The following CAPN9 variants were observed in gnomAD, a reference collection of about 807,000 sequenced individuals.
CAPN9 encodes calpain-9.
In CAPN9, 81 loss-of-function variants were observed where a neutral mutation model predicts 92.8. The observed-to-expected ratio is 0.87, with a 90% confidence interval of 0.73 to 1.05. The LOEUF is 1.05. Ranked by LOEUF, CAPN9 falls within the 50% of genes least tolerant of loss-of-function variation. The pLI is 0.00. For synonymous variants in CAPN9, 304 were observed against 328.0 expected, an observed-to-expected ratio of 0.93 and a Z score of 0.79; for missense variants, 848 against 866.2, an observed-to-expected ratio of 0.98 and a Z score of 0.26.
intron 7 of CAPN9, 87 bp from the exon 8 acceptor site, chr1:230,774,467 A>G (rs1666604055): frequency 3.3e-6 from 3 of 900,268 alleles, no homozygotes; most frequent in Non-Finnish European, 5.6e-6. Flanking sequence ...TATTTCCTCC[A>G]TAACCGCACA....
At chr1:230,798,604 G>A (rs1033588768) in intron 19 of CAPN9, among the ~76,000 whole-genome samples, 1 of 152,088 alleles carries the variant, frequency 6.6e-6, no homozygotes, top group African/African-American at 2.4e-5. Context: ...ATGTTGTCCC[G>A]TGGTTCCCAT....
At position 230,767,573 on chromosome 1, in the gene CAPN9, G is replaced by A. The variant is rs1183766776; in HGVS notation, c.569G>A (p.Gly190Asp). 6.2e-7 allele frequency: 1 copy of A among 1,613,270 alleles called. No homozygotes were observed. Among genetic ancestry groups the A allele is most frequent in the African/African-American group, 1.3e-5 (1 of 74,856 alleles). ...GGGAGCTATGAAGCTCTGAAGGGAG[G>A]CAGCGCCATCGAGGCCATGGAAGAC... The part of the protein sequence containing the change: ...LNGSYEALKG[G>D]SAIEAMEDFT... Residue 190 changes from glycine to aspartate, a missense_variant, in exon 5 of 20, where the codon GGC becomes GAC. Gly to Asp is a moderately conservative substitution (Grantham distance 94). Transcript: ENST00000271971.
At chr1:230,767,743 A>C (rs1336676739) in intron 5 of CAPN9, 34 bp downstream of exon 5, 3 of 1,599,846 alleles carry the variant, frequency 1.9e-6, no homozygotes, top group Admixed American at 3.4e-5. Context: ...TCCAGGCACT[A>C]TGCTGGGGCT....
intron 1 of CAPN9, among the ~76,000 whole-genome samples, chr1:230,752,279 A>G (rs2102829026): frequency 6.6e-6 from 1 of 152,164 alleles, no homozygotes; most frequent in Non-Finnish European, 1.5e-5. Context: ...CCTTCCACAC[A>G]TGCGTCCGCA....
intron 19 of CAPN9, among the ~76,000 whole-genome samples, chr1:230,799,109 G>T (rs2102945126): frequency 6.6e-6 from 1 of 152,254 alleles, no homozygotes; most frequent in Admixed American, 6.5e-5. Flanking sequence ...CTCCTCCCCA[G>T]TCTCTGGAGT....
intron 3 of CAPN9, among the ~76,000 whole-genome samples, chr1:230,761,019 C>A (rs1387201817): frequency 6.6e-6 from 1 of 152,082 alleles, no homozygotes; most frequent in Non-Finnish European, 1.5e-5. Flanking sequence ...CCCGAGGACA[C>A]TGAGTCCCAG....
At chr1:230,769,028 G>A in intron 5 of CAPN9, 152 bp from the exon 6 acceptor site, 9 of 632,506 alleles carry the variant, frequency 1.4e-5, no homozygotes, top group Non-Finnish European at 1.7e-5. Context: ...CATCCTAGGG[G>A]AGCCCCGTGC....
chr1:230,783,020 AAAAT>A (rs1298609856), intron 11 of CAPN9, among the ~76,000 whole-genome samples: 1 of 152,156 alleles, frequency 6.6e-6, no homozygotes, highest in Non-Finnish European at 1.5e-5. Flanking sequence ...CCGTCTAAAA[AAAAT>A]GGTGGTTTTT....
chr1:230,768,953 A>G (rs527342765), intron 5 of CAPN9, among the ~76,000 whole-genome samples: 2 of 152,244 alleles, frequency 1.3e-5, no homozygotes, highest in Non-Finnish European at 2.9e-5. Flanking sequence ...TTTGGAGTCC[A>G]CACTGGAAGC....
intron 16 of CAPN9, 85 bp downstream of exon 16, chr1:230,792,579 AGG>A: frequency 9.5e-7 from 1 of 1,056,146 alleles, no homozygotes. Context: ...AGCAGGCTGC[AGG>A]CTATAGGCTA....
Position 230,767,615 on chromosome 1 carries a change from C to T in CAPN9, c.611C>T (p.Ala204Val). ...ATGGAAGACTTCACTGGGGGTGTGGCAGAGACCTTCCAAACTAAAGAGGCC... is the reference window on the plus strand; with the variant it reads ...ATGGAAGACTTCACTGGGGGTGTGGTAGAGACCTTCCAAACTAAAGAGGCC... ...EAMEDFTGGV[A>V]ETFQTKEAPE... is the part of the protein sequence containing the mutation. The change falls in exon 5 of 20, where the codon GCA becomes GTA. Residue 204 changes from alanine to valine, a missense_variant. Ala to Val is a moderately conservative substitution (Grantham distance 64, BLOSUM62 0). Coordinates refer to ENST00000271971, the MANE Select transcript of CAPN9 (RefSeq NM_006615.3). 1.2e-6 allele frequency: 2 copies of T among 1,613,872 alleles called. No individual in the cohort carries two copies. The highest frequency in any genetic ancestry group is 1.7e-6 in the Non-Finnish European group (2 of 1,179,874).
chr1:230,757,336 C>T (rs571946907), intron 2 of CAPN9, among the ~76,000 whole-genome samples: 1 of 152,310 alleles, frequency 6.6e-6, no homozygotes, highest in South Asian at 2.1e-4. Flanking sequence ...TTCCCCTCGA[C>T]CCCGTAGTCC....
intron 9 of CAPN9, 101 bp from the exon 10 acceptor site, chr1:230,780,076 ATG>A: frequency 1.3e-6 from 1 of 758,326 alleles, no homozygotes; most frequent in Non-Finnish European, 2.1e-6. Context: ...AGATAGGTGT[ATG>A]TGCGTGTGTG....
intron 1 of CAPN9, among the ~76,000 whole-genome samples, chr1:230,749,648 T>A (rs906289732): frequency 6.6e-6 from 1 of 152,190 alleles, no homozygotes; most frequent in African/African-American, 2.4e-5. Context: ...ATACAGATGC[T>A]CATGTTCTCT....
chr1:230,800,254 GAA>G (rs1164265571), intron 19 of CAPN9, among the ~76,000 whole-genome samples: 2 of 113,874 alleles, frequency 1.8e-5, no homozygotes, highest in East Asian at 4.4e-4. Context: ...AAGAAAGAAA[GAA>G]AGAAAGAAAG....
chr1:230,792,363 A>G (rs914679279), intron 15 of CAPN9, 63 bp from the exon 16 acceptor site: 2 of 1,403,102 alleles, frequency 1.4e-6, no homozygotes, highest in East Asian at 4.6e-5. Flanking sequence ...CCCAGAGCTG[A>G]GGTCCCACGA....
chr1:230,752,757 GC>G, intron 1 of CAPN9: 1 of 955,058 alleles, frequency 1.0e-6, no homozygotes, highest in Non-Finnish European at 1.2e-6. Context: ...GCTTGCCAGG[GC>G]TATCCCCTGG....
intron 2 of CAPN9, among the ~76,000 whole-genome samples, chr1:230,757,732 A>C (rs1416880625): frequency 1.3e-5 from 2 of 151,430 alleles, no homozygotes; most frequent in East Asian, 3.9e-4. Context: ...AAAAAAAAAA[A>C]AAACTAGAAC....
intron 8 of CAPN9, among the ~76,000 whole-genome samples, chr1:230,777,941 T>C (rs575565247): frequency 1.3e-5 from 2 of 152,326 alleles, no homozygotes; most frequent in Admixed American, 6.5e-5. Flanking sequence ...GCGTCTCGTC[T>C]GGTCTCTTGA....
Sources: gnomAD v4.1 joint callset for allele counts (sites outside exome capture counted in the v4.1 genomes callset) on GRCh38, gnomAD v4.1.1 for gene constraint, MANE v1.5 for transcripts, NCBI Gene and HGNC (gene_info 2026-07-23, HGNC 2026-07-21) for gene names.